The following FKBP1A variants were observed in gnomAD, a reference collection of about 807,000 sequenced individuals.
FKBP1A encodes FKBP prolyl isomerase 1A.
Under a neutral mutation model 14.2 loss-of-function variants are expected in FKBP1A, and 5 were observed. The ratio of observed to expected loss-of-function variants is 0.35; its 90% CI spans 0.18 to 0.74. FKBP1A has a LOEUF of 0.74. FKBP1A is among the 30% of genes least tolerant of loss of function. The pLI is 0.56. For synonymous variants in FKBP1A, 42 were observed against 49.1 expected, an observed-to-expected ratio of 0.86 and a Z score of 0.60; for missense variants, 53 against 138.8, an observed-to-expected ratio of 0.38 and a Z score of 3.10.
At chr20:1,376,640 C>T (rs1312355577) in intron 2 of FKBP1A, among the ~76,000 whole-genome samples, 1 of 151,462 alleles carries the variant, frequency 6.6e-6, no homozygotes, top group African/African-American at 2.4e-5. Context: ...GCACTATCCC[C>T]ATTTCACAGA....
At position 1,372,105 on chromosome 20, in the gene FKBP1A, A is replaced by G; in HGVS notation, c.*7T>C. On this transcript the variant is annotated 3_prime_UTR_variant, in exon 4 of 5. Transcript: ENST00000400137. ...GAACAGGGAGCTAAGGGAGGAGGCC[A>G]TTCCTGTCATTCCAGTTTTAGAAGC... 1 of 1,613,616 alleles carries G rather than the reference A, an allele frequency of 6.2e-7. No individual in the cohort carries two copies. Among genetic ancestry groups the G allele is most frequent in the South Asian group, 1.1e-5 (1 of 91,032 alleles).
intron 2 of FKBP1A, among the ~76,000 whole-genome samples, chr20:1,387,260 A>G (rs1047516839): frequency 2.0e-5 from 3 of 152,208 alleles, no homozygotes; most frequent in Admixed American, 2.0e-4. Flanking sequence ...AAGGAACCAG[A>G]GCTCTTTGAA....
At chr20:1,392,233 GGCCGTGCA>G (rs1474439334) in intron 2 of FKBP1A, among the ~76,000 whole-genome samples, 2 of 152,196 alleles carry the variant, frequency 1.3e-5, no homozygotes, top group Non-Finnish European at 2.9e-5. Context: ...GACGGAAGAA[GGCCGTGCA>G]GCTCTACTTC....
chr20:1,381,660 A>G (rs969159359), intron 2 of FKBP1A, among the ~76,000 whole-genome samples: 1 of 152,218 alleles, frequency 6.6e-6, no homozygotes, highest in Non-Finnish European at 1.5e-5. Context: ...ATAGTCAAAA[A>G]CTATAAACTA....
At chr20:1,384,002 A>C (rs1271314346) in intron 2 of FKBP1A, among the ~76,000 whole-genome samples, 1 of 152,266 alleles carries the variant, frequency 6.6e-6, no homozygotes, top group Non-Finnish European at 1.5e-5. Context: ...TTAGACACAG[A>C]AGTTCTCTTA....
At chr20:1,377,599 T>A (rs1298508356) in intron 2 of FKBP1A, 1 of 152,168 alleles carries the variant, frequency 6.6e-6, no homozygotes, top group African/African-American at 2.4e-5. Context: ...GGCTCCACAA[T>A]ACCCAATAAA....
chr20:1,391,598 G>A (rs2089737614), intron 2 of FKBP1A: 1 of 398,380 alleles, frequency 2.5e-6, no homozygotes, highest in South Asian at 1.3e-4. Flanking sequence ...GGGGATGTTA[G>A]TTGCCTTTTC....
At chr20:1,390,217 A>G (rs2089716919) in intron 2 of FKBP1A, among the ~76,000 whole-genome samples, 1 of 152,116 alleles carries the variant, frequency 6.6e-6, no homozygotes, top group Non-Finnish European at 1.5e-5. Flanking sequence ...CTGAGTGGAC[A>G]CCTGGCAAGA....
Position 1,386,710 on chromosome 20 carries a change from A to G in FKBP1A, c.85+6124T>C, listed in dbSNP as rs2089672556. On this transcript the variant is annotated intron_variant, in intron 2 of 4. Transcript: ENST00000400137. The surrounding 1 kb of genome is among the most constrained non-coding windows in gnomAD (Gnocchi z 4.7). ...GACCTCCATGTGGGAAAAGGCTTGG[A>G]GCATTCGAGGAATGAATGCAGGCCA... Among the ~76,000 whole-genome samples the G allele has an allele frequency of 6.6e-6, 1 of 152,198 alleles. No homozygotes were observed. The highest frequency in any genetic ancestry group is 1.5e-5 in the Non-Finnish European group (1 of 68,040).
At chr20:1,378,783 G>A (rs2089583739) in intron 2 of FKBP1A, 1 of 152,190 alleles carries the variant, frequency 6.6e-6, no homozygotes, top group South Asian at 2.1e-4. Context: ...ACTGGCGTGA[G>A]GTAAACCTCT....
chr20:1,384,904 A>T (rs1211779427), intron 2 of FKBP1A, among the ~76,000 whole-genome samples: 1 of 152,252 alleles, frequency 6.6e-6, no homozygotes, highest in Non-Finnish European at 1.5e-5. Context: ...AAATCCCTTT[A>T]GATCCTATAA....
intron 2 of FKBP1A, among the ~76,000 whole-genome samples, chr20:1,389,983 G>C (rs1357159583): frequency 6.6e-6 from 1 of 152,222 alleles, no homozygotes; most frequent in Non-Finnish European, 1.5e-5. Context: ...AGGTAGTGCA[G>C]GCATTCCTTT....
intron 4 of FKBP1A, chr20:1,370,929 C>A (rs2089455502): frequency 2.0e-6 from 2 of 985,364 alleles, no homozygotes; most frequent in South Asian, 9.4e-5. Context: ...GTAGCAATGA[C>A]AGGTGAAGAA....
chr20:1,370,424 A>T lies in FKBP1A; in HGVS notation c.*37-352T>A, dbSNP rs147918373. On this transcript the variant is annotated intron_variant, in intron 4 of 4. Coordinates refer to ENST00000400137, the MANE Select transcript of FKBP1A (RefSeq NM_000801.5). ...AGGCATCACCTGGGGGCTTTAAAAAACTCTTAATGCCTGGGTTCCACTCCC... is the reference window on the plus strand; with the variant it reads ...AGGCATCACCTGGGGGCTTTAAAAATCTCTTAATGCCTGGGTTCCACTCCC... 3.9e-4 allele frequency: 383 copies of T among 974,854 alleles called. No individual in the cohort carries two copies. The African/African-American group carries it at 6.3e-3, about 16-fold the overall frequency. The allele number at this position is 974,854 out of a possible 1,614,324, so 60.4% of individuals were successfully genotyped here. A position where few individuals can be genotyped will look rare whatever the true frequency, so the allele number is the denominator to read the frequency against.
chr20:1,369,946 A>C lies in FKBP1A; in HGVS notation c.*163T>G. On this transcript the variant is annotated 3_prime_UTR_variant, in exon 5 of 5. Coordinates refer to ENST00000400137, the MANE Select transcript of FKBP1A (RefSeq NM_000801.5). ...AAGAGGAAACAGAGGTGTCGGAAGC[A>C]AAGCTGAGTGACAGAACACATTCAG... 6.9e-7 allele frequency: 1 copy of C among 1,458,486 alleles called. No individual in the cohort carries two copies. Among genetic ancestry groups the C allele is most frequent in the East Asian group, 2.5e-5 (1 of 40,012 alleles). The allele number at this position is 1,458,486 out of a possible 1,614,324, so 90.3% of individuals were successfully genotyped here. A position where few individuals can be genotyped will look rare whatever the true frequency, so the allele number is the denominator to read the frequency against.
chr20:1,379,568 A>G lies in FKBP1A; in HGVS notation c.86-3965T>C, dbSNP rs544744342. On this transcript the variant is annotated intron_variant, in intron 2 of 4. Transcript: ENST00000400137. The surrounding 1 kb of genome is among the most constrained non-coding windows in gnomAD (Gnocchi z 4.3). ...CTTTGCCTAGGATCTTAATTTTCCT[A>G]TGCTATTTTGGATGCTCTGTTGTCC... 1.3e-5 allele frequency among the ~76,000 whole-genome samples: 2 copies of G among 152,302 alleles called. No individual in the cohort carries two copies. The highest frequency in any genetic ancestry group is 2.1e-4 in the South Asian group (1 of 4,828).
intron 4 of FKBP1A, chr20:1,370,764 C>A (rs1018767023): frequency 2.1e-5 from 21 of 985,234 alleles, no homozygotes; most frequent in African/African-American, 3.5e-5. Flanking sequence ...TTACAGAAAG[C>A]CTGTTCCCAA....
At position 1,392,420 on chromosome 20, in the gene FKBP1A, A is replaced by T. The variant is rs921603814; in HGVS notation, c.85+414T>A. Among the ~76,000 whole-genome samples the T allele has an allele frequency of 1.4e-4, 21 of 152,256 alleles. 1 individual carries two copies. Among genetic ancestry groups the T allele is most frequent in the Admixed American group, 1.1e-3 (17 of 15,292 alleles). ...GAGGGATGGAAGTGGGGGCAGGGGC[A>T]CAGAAATGGTACAAATCCTTCCTAA... On this transcript the variant is annotated intron_variant, in intron 2 of 4. Transcript: ENST00000400137.
At position 1,375,322 on chromosome 20, in the gene FKBP1A, C is replaced by T. The variant is rs535613464; in HGVS notation, c.198+169G>A. On this transcript the variant is annotated intron_variant, in intron 3 of 4. Transcript: ENST00000400137. ...TTTTATATGTGCTTAAACCACAGTA[C>T]AAGAAACATTAACAACAGGAGCTTC... 2.4e-4 allele frequency: 151 copies of T among 621,486 alleles called. 2 individuals carry two copies. Among genetic ancestry groups the T allele is most frequent in the African/African-American group, 2.4e-3 (131 of 54,108 alleles). 38.5% of individuals were successfully genotyped at this position (621,486 alleles called of 1,614,324 possible).
Sources: allele counts gnomAD v4.1 joint callset (sites outside exome capture counted in the v4.1 genomes callset), GRCh38; gene constraint gnomAD v4.1.1; non-coding constraint Gnocchi (gnomAD v3.1); transcripts MANE v1.5; gene names NCBI Gene and HGNC (gene_info 2026-07-23, HGNC 2026-07-21).